CTNND2: variants seen among roughly 807,000 people sequenced by gnomAD.
CTNND2 encodes catenin delta-2.
CTNND2 carries 22 observed loss-of-function variants against 144.4 expected under a neutral mutation model. The ratio of observed to expected loss-of-function variants is 0.15; its 90% confidence interval spans 0.11 to 0.22. The LOEUF is 0.22. CTNND2 is among the 10% of genes least tolerant of loss of function. CTNND2 has a pLI of 1.00. For missense variants in CTNND2, 1,353 were observed against 1,618.8 expected (o/e 0.84, Z 2.82); for synonymous variants, 751 against 695.6 (o/e 1.08, Z -1.25).
intron 3 of CTNND2, among the ~76,000 whole-genome samples, chr5:11,424,606 G>A (rs762594647): frequency 1.4e-4 from 21 of 150,114 alleles, no homozygotes; most frequent in Non-Finnish European, 2.2e-4. Context: ...TAGAAGAGAC[G>A]TGTGTGTGTG....
intron 3 of CTNND2, among the ~76,000 whole-genome samples, chr5:11,527,698 C>T (rs939335477): frequency 1.3e-5 from 2 of 152,184 alleles, no homozygotes; most frequent in Non-Finnish European, 2.9e-5. Flanking sequence ...CTCTAAGCTG[C>T]TGTGTCATTA....
At chr5:11,521,761 A>C (rs1052565644) in intron 3 of CTNND2, among the ~76,000 whole-genome samples, 10 of 152,228 alleles carry the variant, frequency 6.6e-5, no homozygotes, top group African/African-American at 2.4e-4. Flanking sequence ...ATGAAGTATC[A>C]GGAGCAGCAA....
At chr5:11,153,851 T>C (rs1029043165) in intron 12 of CTNND2, among the ~76,000 whole-genome samples, 2 of 152,222 alleles carry the variant, frequency 1.3e-5, no homozygotes, top group African/African-American at 2.4e-5. Context: ...GCCAGCCTTA[T>C]GCACATACTT....
intron 2 of CTNND2, among the ~76,000 whole-genome samples, chr5:11,591,972 A>G (rs1042681640): frequency 1.3e-5 from 2 of 151,970 alleles, no homozygotes; most frequent in African/African-American, 2.4e-5. Context: ...TGTAGTTCTT[A>G]TGCTACCCAC....
chr5:11,855,644 T>A (rs1388550683), intron 1 of CTNND2, among the ~76,000 whole-genome samples: 1 of 152,200 alleles, frequency 6.6e-6, no homozygotes, highest in African/African-American at 2.4e-5. Context: ...AGAGATTAAG[T>A]GTTCTTGAAC....
chr5:11,431,389 C>A lies in CTNND2; in HGVS notation c.288-19320G>T, dbSNP rs1025679998. On this transcript the variant is annotated intron_variant, in intron 3 of 21. Coordinates refer to ENST00000304623, the MANE Select transcript of CTNND2 (RefSeq NM_001332.4). ...AGCCACGTATCCTTGCCATTTCATCCATTAAAAAGGGATGTCCATTTTTCT... is the reference window on the plus strand; with the variant it reads ...AGCCACGTATCCTTGCCATTTCATCAATTAAAAAGGGATGTCCATTTTTCT... 2.6e-5 allele frequency among the ~76,000 whole-genome samples: 4 copies of A among 152,128 alleles called. No homozygotes were observed. In the East Asian group the frequency reaches 7.7e-4, roughly 29 times the overall value.
chr5:11,426,057 T>C (rs141286193), intron 3 of CTNND2, among the ~76,000 whole-genome samples: 1 of 152,254 alleles, frequency 6.6e-6, no homozygotes, highest in African/African-American at 2.4e-5. Context: ...TTCCTCTCAG[T>C]AATTTTCTAT....
chr5:11,770,281 T>C (rs1789842647), intron 1 of CTNND2, among the ~76,000 whole-genome samples: 2 of 152,178 alleles, frequency 1.3e-5, no homozygotes, highest in African/African-American at 4.8e-5. Context: ...TAACTCACTA[T>C]TCTAACCTTA....
intron 3 of CTNND2, among the ~76,000 whole-genome samples, chr5:11,459,569 G>A (rs1368334400): frequency 6.6e-6 from 1 of 152,170 alleles, no homozygotes; most frequent in Non-Finnish European, 1.5e-5. Flanking sequence ...ATGCTGCTAA[G>A]TACGTCTGTT....
At chr5:11,526,854 G>A (rs1231275484) in intron 3 of CTNND2, among the ~76,000 whole-genome samples, 1 of 151,988 alleles carries the variant, frequency 6.6e-6, no homozygotes, top group East Asian at 1.9e-4. Flanking sequence ...ATCAACAGAG[G>A]AATGGAAGAA....
Position 11,082,701 on chromosome 5 carries a change from A to C in CTNND2, c.2783T>G (p.Leu928Arg). ...NMALDVRNKE[L>R]IGKYAMRDLV... ...GTGAATCAGGGAGAACATACCGATGAGCTCCTTATTTCTGACGTCCAAGGC... is the reference window on the plus strand; with the variant it reads ...GTGAATCAGGGAGAACATACCGATGCGCTCCTTATTTCTGACGTCCAAGGC... Residue 928 changes from leucine (L) to arginine (R), a missense_variant, in exon 16 of 22, where the codon CTC (leucine) becomes CGC (arginine). This residue lies in a region of CTNND2 where 459 missense variants were observed against 674.3 expected (regional missense o/e 0.68). Transcript: ENST00000304623. The C allele has an allele frequency of 6.2e-7, 1 of 1,613,986 alleles. No homozygotes were observed. Among genetic ancestry groups the C allele is most frequent in the Non-Finnish European group, 8.5e-7 (1 of 1,179,938 alleles).
intron 12 of CTNND2, among the ~76,000 whole-genome samples, chr5:11,144,701 G>A (rs534311538): frequency 2.4e-4 from 36 of 152,210 alleles, no homozygotes; most frequent in African/African-American, 6.7e-4. Context: ...AGGGACCGCC[G>A]TCTCACCCCT....
At chr5:11,653,734 A>G (rs1428462298) in intron 2 of CTNND2, among the ~76,000 whole-genome samples, 1 of 148,494 alleles carries the variant, frequency 6.7e-6, no homozygotes, top group Non-Finnish European at 1.5e-5. Flanking sequence ...AAAACTTTTT[A>G]GTTTGATGTA....
intron 16 of CTNND2, among the ~76,000 whole-genome samples, chr5:11,059,072 A>T (rs147282227): frequency 6.6e-6 from 1 of 152,132 alleles, no homozygotes; most frequent in African/African-American, 2.4e-5. Context: ...CTCAGATGAG[A>T]CTTTGGACTG....
intron 2 of CTNND2, among the ~76,000 whole-genome samples, chr5:11,631,701 C>G (rs1045396162): frequency 1.9e-4 from 29 of 152,108 alleles, no homozygotes; most frequent in African/African-American, 6.8e-4. Context: ...TATAGGGCAC[C>G]CTTCTTTCAC....
Position 11,186,983 on chromosome 5 carries a change from C to G in CTNND2, c.1975+12465G>C, listed in dbSNP as rs32278. On this transcript the variant is annotated intron_variant, in intron 11 of 21. Transcript: ENST00000304623. Reference sequence around the variant, plus strand: ...ACTATGACCGGTAAGTGTGGGTGTTCGTAAATGTATGCTTATCTCTTCTTG... The same window carrying G: ...ACTATGACCGGTAAGTGTGGGTGTTGGTAAATGTATGCTTATCTCTTCTTG... Among the ~76,000 whole-genome samples the G allele has an allele frequency of 9.3e-3, 1,419 of 152,104 alleles. 12 individuals are homozygous for G. The highest frequency in any genetic ancestry group is 0.033 in the African/African-American group (1,349 of 41,488).
chr5:11,222,105 C>T (rs964163893), intron 10 of CTNND2, among the ~76,000 whole-genome samples: 7 of 152,192 alleles, frequency 4.6e-5, no homozygotes, highest in African/African-American at 1.7e-4. Context: ...CTGACATTCA[C>T]ACAGGTCATC....
At chr5:11,784,189 A>G (rs1302508415) in intron 1 of CTNND2, among the ~76,000 whole-genome samples, 3 of 152,348 alleles carry the variant, frequency 2.0e-5, no homozygotes, top group East Asian at 1.9e-4. Flanking sequence ...GCAATAGAAA[A>G]TAACACTGGT....
At chr5:11,332,358 G>A (rs868427936) in intron 9 of CTNND2, among the ~76,000 whole-genome samples, 2 of 151,914 alleles carry the variant, frequency 1.3e-5, no homozygotes, top group African/African-American at 4.8e-5. Flanking sequence ...GGATCCATGA[G>A]GCCTGGGTGC....
Sources: gnomAD v4.1 joint callset for allele counts (sites outside exome capture counted in the v4.1 genomes callset) on GRCh38, gnomAD v4.1.1 for gene constraint, gnomAD v4.1.1 regional missense constraint, MANE v1.5 for transcripts, NCBI Gene and HGNC (gene_info 2026-07-23, HGNC 2026-07-21) for gene names.